The following ELAVL2 variants were observed in gnomAD, a reference collection of about 807,000 sequenced individuals.
ELAVL2 encodes ELAV-like protein 2.
ELAVL2 carries 4 observed loss-of-function variants against 34.6 expected under a neutral mutation model. The observed-to-expected ratio is 0.12, with a 90% CI of 0.06 to 0.26. The LOEUF (loss-of-function observed/expected upper bound fraction) is 0.26. Among genes scored for constraint, ELAVL2 ranks in the 10% least tolerant of loss-of-function variants. ELAVL2 has a pLI of 1.00. For synonymous variants in ELAVL2, 193 were observed against 154.8 expected (o/e 1.25, Z -1.83); for missense variants, 432 against 442.8 (o/e 0.98, Z 0.22).
intron 1 of ELAVL2, among the ~76,000 whole-genome samples, chr9:23,785,273 TG>T (rs1033809764): frequency 2.0e-4 from 31 of 152,248 alleles, no homozygotes; most frequent in African/African-American, 7.5e-4. Context: ...GAAAACAAAG[TG>T]TTTATCAAGG....
chr9:23,697,962 G>T (rs1467206385), intron 5 of ELAVL2, among the ~76,000 whole-genome samples: 2 of 151,544 alleles, frequency 1.3e-5, no homozygotes, highest in East Asian at 1.9e-4. Flanking sequence ...TATTCAATTA[G>T]ATGGTATCAT....
intron 1 of ELAVL2, among the ~76,000 whole-genome samples, chr9:23,801,672 C>T (rs1440599202): frequency 6.6e-6 from 1 of 152,212 alleles, no homozygotes; most frequent in Non-Finnish European, 1.5e-5. Flanking sequence ...CATCTGACAA[C>T]AGAATGTTCA....
Position 23,759,803 on chromosome 9 carries a change from G to C in ELAVL2, c.229+2203C>G, listed in dbSNP as rs1343560118. The stretch of plus-strand genomic sequence containing the variant: ...ATATATATATATAATGTATAGAAAC[G>C]TCTTACATCTTTAGAAACATCTTTC... On this transcript the variant is annotated intron_variant, in intron 2 of 6. Coordinates refer to ENST00000397312, the MANE Select transcript of ELAVL2 (RefSeq NM_004432.5). Among the ~76,000 whole-genome samples the C allele has an allele frequency of 5.1e-5, 5 of 98,812 alleles. No homozygotes were observed. In the South Asian group the frequency reaches 1.6e-3, roughly 32 times the overall value. The allele number at this position is 98,812 out of a possible 152,430, so 64.8% of individuals were successfully genotyped here.
intron 1 of ELAVL2, among the ~76,000 whole-genome samples, chr9:23,818,515 C>G (rs2064051962): frequency 6.6e-6 from 1 of 152,186 alleles, no homozygotes; most frequent in Admixed American, 6.5e-5. Flanking sequence ...TGGTAGCTTA[C>G]TATCATTTTT....
At chr9:23,697,268 G>GAAAGGGA (rs1260175670) in intron 5 of ELAVL2, among the ~76,000 whole-genome samples, 19 of 152,244 alleles carry the variant, frequency 1.2e-4, no homozygotes, top group African/African-American at 4.6e-4. Flanking sequence ...AGTAAATAAG[G>GAAAGGGA]AAAGGGAGAG....
intron 1 of ELAVL2, among the ~76,000 whole-genome samples, chr9:23,772,176 G>A (rs985654748): frequency 3.9e-5 from 6 of 152,134 alleles, no homozygotes; most frequent in African/African-American, 1.4e-4. Flanking sequence ...ACAGCTATCA[G>A]GAACCCCCTC....
At chr9:23,706,452 A>T (rs1265496326) in intron 3 of ELAVL2, among the ~76,000 whole-genome samples, 1 of 152,220 alleles carries the variant, frequency 6.6e-6, no homozygotes, top group African/African-American at 2.4e-5. Context: ...TTTAAGGGTC[A>T]GTTCAAGTCA....
chr9:23,698,975 G>A (rs1326671273), intron 5 of ELAVL2, among the ~76,000 whole-genome samples: 1 of 152,174 alleles, frequency 6.6e-6, no homozygotes, highest in African/African-American at 2.4e-5. Flanking sequence ...TTAAAAATCT[G>A]AAGAGAGAAT....
intron 3 of ELAVL2, among the ~76,000 whole-genome samples, chr9:23,718,168 T>TA: frequency 6.6e-6 from 1 of 152,294 alleles, no homozygotes; most frequent in African/African-American, 2.4e-5. Context: ...TAACGTATTT[T>TA]AAAAATAGGA....
intron 1 of ELAVL2, among the ~76,000 whole-genome samples, chr9:23,795,496 T>A (rs1301813486): frequency 6.6e-6 from 1 of 152,044 alleles, no homozygotes; most frequent in Non-Finnish European, 1.5e-5. Context: ...TGAGCCGAGA[T>A]CACGCCACTG....
intron 2 of ELAVL2, among the ~76,000 whole-genome samples, chr9:23,734,514 G>C (rs1284284809): frequency 6.6e-6 from 1 of 152,122 alleles, no homozygotes; most frequent in Non-Finnish European, 1.5e-5. Context: ...CAATTAACTA[G>C]TTTATACCTG....
intron 1 of ELAVL2, among the ~76,000 whole-genome samples, chr9:23,800,729 A>T (rs1355946181): frequency 6.6e-6 from 1 of 152,234 alleles, no homozygotes; most frequent in Non-Finnish European, 1.5e-5. Flanking sequence ...ACTTACAGTA[A>T]AAGTTTAAAA....
intron 1 of ELAVL2, among the ~76,000 whole-genome samples, chr9:23,801,131 T>C (rs1000253598): frequency 6.6e-6 from 1 of 152,174 alleles, no homozygotes. Context: ...CTCCAGACTA[T>C]TTCTCAAAAC....
At chr9:23,783,450 A>G (rs2059321086) in intron 1 of ELAVL2, 1 of 985,270 alleles carries the variant, frequency 1.0e-6, no homozygotes, top group Non-Finnish European at 1.2e-6. Flanking sequence ...CTGCACAACT[A>G]CAAAGTGGCC....
chr9:23,795,205 A>G (rs888256164), intron 1 of ELAVL2, among the ~76,000 whole-genome samples: 3 of 152,304 alleles, frequency 2.0e-5, no homozygotes, highest in African/African-American at 7.2e-5. Context: ...TATATTTTAT[A>G]TAAGATTCCC....
chr9:23,715,683 T>C (rs914020724), intron 3 of ELAVL2, among the ~76,000 whole-genome samples: 18 of 152,238 alleles, frequency 1.2e-4, no homozygotes, highest in Admixed American at 8.5e-4. Flanking sequence ...ACTATCAAGA[T>C]AACCATGGCA....
In ELAVL2 at chr9:23,705,064, T is replaced by C. The variant is rs1347177961; in HGVS notation, c.341A>G (p.Tyr114Cys). 3.7e-6 allele frequency: 6 copies of C among 1,614,054 alleles called. No homozygotes were observed. Among genetic ancestry groups the C allele is most frequent in the South Asian group, 1.1e-5 (1 of 91,086 alleles). ...GATAGAAGCTGAACTTGGGCGAGCA[T>C]AGGAAACCTGGAAAAGGAAAATAAA... is the stretch of plus-strand genomic sequence containing the variant. ...RLQTKTIKVS[Y>C]ARPSSASIRD... Residue 114 changes from tyrosine to cysteine, a missense_variant, in exon 4 of 7, where the codon TAT (tyrosine) becomes TGT (cysteine). Physicochemically the swap from Tyr to Cys is radical, Grantham distance 194 (BLOSUM62 -2). Around this residue, in one of 3 missense-constraint regions of ELAVL2, gnomAD observed 5 missense variants for 18.4 expected, o/e 0.27. Coordinates refer to ENST00000397312, the MANE Select transcript of ELAVL2 (RefSeq NM_004432.5).
intron 4 of ELAVL2, among the ~76,000 whole-genome samples, chr9:23,703,959 CTT>C (rs2133292275): frequency 6.6e-6 from 1 of 151,990 alleles, no homozygotes; most frequent in South Asian, 2.1e-4. Flanking sequence ...GAGTTTTGCT[CTT>C]GTTGCCCATT....
intron 1 of ELAVL2, among the ~76,000 whole-genome samples, chr9:23,789,714 G>A (rs1019330819): frequency 2.5e-4 from 38 of 152,196 alleles, no homozygotes; most frequent in African/African-American, 7.9e-4. Flanking sequence ...ATAATGTATC[G>A]TATTATACAA....
Sources: allele counts gnomAD v4.1 joint callset (sites outside exome capture counted in the v4.1 genomes callset), GRCh38; gene constraint gnomAD v4.1.1; regional missense constraint gnomAD v4.1.1; transcripts MANE v1.5; gene names NCBI Gene and HGNC (gene_info 2026-07-23, HGNC 2026-07-21).